SPTLC3: variants seen among roughly 807,000 people sequenced by gnomAD.
SPTLC3 encodes the protein serine palmitoyltransferase 3.
In SPTLC3, 36 loss-of-function variants were observed where a neutral mutation model predicts 59.3. That is an observed-to-expected ratio of 0.61 (90% CI 0.47 to 0.80). The LOEUF (loss-of-function observed/expected upper bound fraction) is 0.80, where lower values mean the gene tolerates loss of function less well. Among genes scored for constraint, SPTLC3 ranks in the 30% least tolerant of loss-of-function variants. The probability of loss-of-function intolerance (pLI) is 0.00; values close to 1 mark genes in which losing one functional copy is unlikely to be tolerated. For synonymous variants in SPTLC3, 257 were observed against 240.8 expected, an observed-to-expected ratio of 1.07 and a Z score of -0.62; for missense variants, 625 against 685.1, an observed-to-expected ratio of 0.91 and a Z score of 0.98.
At chr20:13,121,146 G>A in intron 8 of SPTLC3, among the ~76,000 whole-genome samples, 1 of 152,186 alleles carries the variant, frequency 6.6e-6, no homozygotes, top group East Asian at 1.9e-4. Context: ...CAAGGATCTT[G>A]AGTCCACCTG....
chr20:13,097,281 A>G (rs1989450552), intron 6 of SPTLC3, among the ~76,000 whole-genome samples: 1 of 152,080 alleles, frequency 6.6e-6, no homozygotes, highest in Non-Finnish European at 1.5e-5. Flanking sequence ...GAGCAGCAGG[A>G]CTTTCAGCAT....
At chr20:13,115,249 A>C (rs946079104) in intron 7 of SPTLC3, among the ~76,000 whole-genome samples, 1 of 152,212 alleles carries the variant, frequency 6.6e-6, no homozygotes, top group Non-Finnish European at 1.5e-5. Flanking sequence ...CACATTGTGA[A>C]AATGAAAACT....
chr20:13,107,293 T>C (rs934323458), intron 6 of SPTLC3, among the ~76,000 whole-genome samples: 12 of 150,040 alleles, frequency 8.0e-5, no homozygotes, highest in African/African-American at 2.2e-4. Context: ...AATGAGAAAA[T>C]AGAAAAAAAA....
chr20:13,076,894 T>C (rs1221991824), intron 4 of SPTLC3, among the ~76,000 whole-genome samples: 1 of 152,114 alleles, frequency 6.6e-6, no homozygotes, highest in African/African-American at 2.4e-5. Flanking sequence ...GGAAGATTGT[T>C]TGCAAAACCT....
At position 13,092,162 on chromosome 20, in the gene SPTLC3, C is replaced by T. The variant is rs532870628; in HGVS notation, c.732+955C>T. On this transcript the variant is annotated intron_variant, in intron 5 of 11. Coordinates refer to ENST00000399002, the MANE Select transcript of SPTLC3 (RefSeq NM_018327.4). ...GATAAATAAGTTGAATTATTTAGGA[C>T]ACGAAGAGGGAACAGCATGTGTAAA... is the stretch of plus-strand genomic sequence containing the variant. Among the ~76,000 whole-genome samples, 3 of 152,166 alleles carry T rather than the reference C, an allele frequency of 2.0e-5. No homozygotes were observed. The East Asian group carries it at 5.8e-4, about 29-fold the overall frequency.
chr20:13,125,464 T>G (rs1002378534), intron 8 of SPTLC3, among the ~76,000 whole-genome samples: 1 of 152,190 alleles, frequency 6.6e-6, no homozygotes, highest in Non-Finnish European at 1.5e-5. Flanking sequence ...GCTGCCTCCA[T>G]TCGTTTTTGC....
intron 1 of SPTLC3, among the ~76,000 whole-genome samples, chr20:13,042,116 G>A (rs1340223109): frequency 6.6e-6 from 1 of 152,122 alleles, no homozygotes; most frequent in African/African-American, 2.4e-5. Flanking sequence ...GATCTTAAGA[G>A]GGCTCTTCAT....
chr20:13,164,474 A>G (rs371988341), intron 11 of SPTLC3: 19 of 527,492 alleles, frequency 3.6e-5, no homozygotes, highest in African/African-American at 3.1e-4. Flanking sequence ...AAGGGTAAGC[A>G]TGGGTCACAT....
At chr20:13,011,286 G>A (rs1022148659) in intron 1 of SPTLC3, among the ~76,000 whole-genome samples, 2 of 152,084 alleles carry the variant, frequency 1.3e-5, no homozygotes, top group African/African-American at 4.8e-5. Context: ...ACTAGGCCTA[G>A]ACCAAAAGCC....
chr20:13,073,885 G>A (rs568781416), intron 3 of SPTLC3: 24 of 548,900 alleles, frequency 4.4e-5, no homozygotes, highest in Admixed American at 1.8e-4. Flanking sequence ...TTTATAGGAC[G>A]GTCCTGTTTG....
At chr20:13,070,971 T>A (rs2122565308) in intron 2 of SPTLC3, among the ~76,000 whole-genome samples, 1 of 152,280 alleles carries the variant, frequency 6.6e-6, no homozygotes, top group East Asian at 1.9e-4. Flanking sequence ...TTGGTGTCCA[T>A]CTCCAAGGAC....
chr20:13,154,803 A>C (rs2038728927), intron 10 of SPTLC3, among the ~76,000 whole-genome samples: 1 of 152,220 alleles, frequency 6.6e-6, no homozygotes, highest in South Asian at 2.1e-4. Flanking sequence ...ACTTTTTGTC[A>C]GTTTGGCAGG....
intron 9 of SPTLC3, among the ~76,000 whole-genome samples, chr20:13,151,506 G>A (rs2038647855): frequency 6.6e-6 from 1 of 152,190 alleles, no homozygotes; most frequent in African/African-American, 2.4e-5. Flanking sequence ...CTGGGAGCTG[G>A]CAGAGTTGGG....
intron 2 of SPTLC3, among the ~76,000 whole-genome samples, chr20:13,053,326 C>A (rs1987576981): frequency 6.6e-6 from 1 of 152,064 alleles, no homozygotes. Flanking sequence ...GGAAAACTAA[C>A]AAAACAGAAA....
chr20:13,093,205 T>G (rs2122632634), intron 5 of SPTLC3, among the ~76,000 whole-genome samples: 1 of 152,344 alleles, frequency 6.6e-6, no homozygotes, highest in Non-Finnish European at 1.5e-5. Context: ...AGGCTCTACC[T>G]GGTGCTTAAC....
At chr20:13,036,761 T>C (rs1568572640) in intron 1 of SPTLC3, among the ~76,000 whole-genome samples, 1 of 152,114 alleles carries the variant, frequency 6.6e-6, no homozygotes. Flanking sequence ...GAGATGAGTA[T>C]ATCAGTGTGT....
chr20:13,142,878 G>A (rs544558253), intron 9 of SPTLC3, among the ~76,000 whole-genome samples: 125 of 152,160 alleles, frequency 8.2e-4, no homozygotes, highest in African/African-American at 2.3e-3. Flanking sequence ...AGCCAGCAAC[G>A]GAGAGTCTCC....
intron 7 of SPTLC3, among the ~76,000 whole-genome samples, chr20:13,114,268 G>A (rs1990408946): frequency 6.6e-6 from 1 of 152,166 alleles, no homozygotes; most frequent in African/African-American, 2.4e-5. Flanking sequence ...AACTAAAATA[G>A]TATTATTTCA....
At chr20:13,068,514 C>T (rs1988314658) in intron 2 of SPTLC3, among the ~76,000 whole-genome samples, 1 of 152,134 alleles carries the variant, frequency 6.6e-6, no homozygotes, top group Non-Finnish European at 1.5e-5. Flanking sequence ...GAAGAAAGCT[C>T]CTGGCTGTTT....
Sources: gnomAD v4.1 joint callset for allele counts (sites outside exome capture counted in the v4.1 genomes callset) on GRCh38, gnomAD v4.1.1 for gene constraint, MANE v1.5 for transcripts, NCBI Gene and HGNC (gene_info 2026-07-23, HGNC 2026-07-21) for gene names.